TWSG1: variants seen among roughly 807,000 people sequenced by gnomAD.
The protein encoded by TWSG1 is twisted gastrulation protein homolog 1.
A neutral mutation model predicts 23.0 loss-of-function variants in TWSG1; 15 were observed. That is an observed-to-expected ratio of 0.65 (90% CI 0.44 to 1.00). The LOEUF is 1.00. Among genes scored for constraint, TWSG1 ranks in the 50% least tolerant of loss-of-function variants. TWSG1 has a pLI of 0.00. For synonymous variants in TWSG1, 86 were observed against 92.8 expected (o/e 0.93, Z 0.42); for missense variants, 242 against 278.7 (o/e 0.87, Z 0.94).
chr18:9,365,372 G>T (rs1374621684), intron 3 of TWSG1, among the ~76,000 whole-genome samples: 1 of 152,020 alleles, frequency 6.6e-6, no homozygotes, highest in Non-Finnish European at 1.5e-5. Flanking sequence ...TATGGGAAAT[G>T]TTAAATTAGA....
chr18:9,370,174 T>C (rs1469132500), intron 3 of TWSG1, among the ~76,000 whole-genome samples: 2 of 151,970 alleles, frequency 1.3e-5, no homozygotes, highest in African/African-American at 4.8e-5. Flanking sequence ...AAAAATTAGC[T>C]GGGTGTGGTG....
At chr18:9,342,736 G>A (rs1193234419) in intron 2 of TWSG1, among the ~76,000 whole-genome samples, 2 of 152,126 alleles carry the variant, frequency 1.3e-5, no homozygotes, top group African/African-American at 4.8e-5. Flanking sequence ...TCCCAAGTTG[G>A]TTCCAGTGTT....
At chr18:9,382,814 A>AC (rs1555652430) in intron 3 of TWSG1, among the ~76,000 whole-genome samples, 1 of 137,068 alleles carries the variant, frequency 7.3e-6, no homozygotes, top group Non-Finnish European at 1.5e-5. Context: ...CTCAAAAAAA[A>AC]AAAAACAAAA....
chr18:9,388,972 G>A (rs998835844), intron 3 of TWSG1, among the ~76,000 whole-genome samples: 2 of 140,272 alleles, frequency 1.4e-5, no homozygotes, highest in African/African-American at 6.6e-5. Context: ...TTGGCTTTTT[G>A]TTTGTTTGTT....
chr18:9,402,370 CT>C lies in TWSG1; in HGVS notation c.*2846del, dbSNP rs1463099959. On this transcript the variant is annotated 3_prime_UTR_variant, in exon 5 of 5. Coordinates refer to ENST00000262120, the MANE Select transcript of TWSG1 (RefSeq NM_020648.6). ...ACAACATATAAAATTGTGTATTTTT[CT>C]TTGGTTGTCCCTATTAACAAAAAAG... The C allele has an allele frequency of 6.6e-6, 1 of 151,816 alleles. No homozygotes were observed. Among genetic ancestry groups the C allele is most frequent in the African/African-American group, 2.4e-5 (1 of 41,320 alleles). 9.4% of individuals were successfully genotyped at this position (151,816 alleles called of 1,614,324 possible).
intron 3 of TWSG1, among the ~76,000 whole-genome samples, chr18:9,369,515 C>G (rs2040594864): frequency 2.0e-5 from 3 of 152,210 alleles, no homozygotes; most frequent in African/African-American, 2.4e-5. Context: ...GATACACCCA[C>G]CTCGCCTTCC....
Position 9,361,712 on chromosome 18 carries a change from G to A in TWSG1, c.223+1641G>A, listed in dbSNP as rs543688066. On this transcript the variant is annotated intron_variant, in intron 3 of 4. Transcript: ENST00000262120. Reference sequence around the variant, plus strand: ...AAACAGTAAGCATACTTTTATTTACGTTCCTTGTTTTTTTCCCATACTCAT... The same window carrying A: ...AAACAGTAAGCATACTTTTATTTACATTCCTTGTTTTTTTCCCATACTCAT... Among the ~76,000 whole-genome samples, 20 of 152,296 alleles carry A rather than the reference G, an allele frequency of 1.3e-4. No individual in the cohort carries two copies. The South Asian group carries it at 3.5e-3, about 27-fold the overall frequency.
At chr18:9,373,924 A>G (rs2040617325) in intron 3 of TWSG1, among the ~76,000 whole-genome samples, 1 of 152,238 alleles carries the variant, frequency 6.6e-6, no homozygotes, top group Non-Finnish European at 1.5e-5. Flanking sequence ...ATCCCAAAAT[A>G]TGTGAAGATT....
intron 3 of TWSG1, among the ~76,000 whole-genome samples, chr18:9,379,970 T>G (rs1039584382): frequency 6.6e-6 from 1 of 152,220 alleles, no homozygotes; most frequent in East Asian, 1.9e-4. Flanking sequence ...ACTTGATGCT[T>G]CTTTGATTAA....
intron 3 of TWSG1, among the ~76,000 whole-genome samples, chr18:9,384,018 T>C (rs1568038689): frequency 6.6e-6 from 1 of 152,200 alleles, no homozygotes; most frequent in Non-Finnish European, 1.5e-5. Context: ...CTAAAGAGAA[T>C]AGAAGACAGT....
rs372741990 is a variant in TWSG1, at chr18:9,346,153, TC to T, written c.123+8807del. Reference sequence around the variant, plus strand: ...GCCAACCTCTTCATCCCTCCCTACCTCCCCCCAGTCCCCTAGTAACCACTGA... The same window carrying T: ...GCCAACCTCTTCATCCCTCCCTACCTCCCCCAGTCCCCTAGTAACCACTGA... On this transcript the variant is annotated intron_variant, in intron 2 of 4. Coordinates refer to ENST00000262120, the MANE Select transcript of TWSG1 (RefSeq NM_020648.6). Among the ~76,000 whole-genome samples the T allele has an allele frequency of 8.2e-4, 125 of 152,052 alleles. 1 individual carries two copies. Among genetic ancestry groups the T allele is most frequent in the East Asian group, 6.6e-3 (34 of 5,184 alleles).
At chr18:9,339,525 C>A (rs2040436730) in intron 2 of TWSG1, among the ~76,000 whole-genome samples, 1 of 152,088 alleles carries the variant, frequency 6.6e-6, no homozygotes, top group Non-Finnish European at 1.5e-5. Context: ...CTCAAGCGAT[C>A]TGCCAAGGCT....
At chr18:9,386,103 A>G (rs1287264893) in intron 3 of TWSG1, among the ~76,000 whole-genome samples, 2 of 151,682 alleles carry the variant, frequency 1.3e-5, no homozygotes, top group Non-Finnish European at 2.9e-5. Context: ...CGGGAGGCGG[A>G]GGTTGCAGTG....
At chr18:9,349,458 A>G (rs2040491601) in intron 2 of TWSG1, among the ~76,000 whole-genome samples, 1 of 152,206 alleles carries the variant, frequency 6.6e-6, no homozygotes, top group Non-Finnish European at 1.5e-5. Context: ...TATGTGCTAA[A>G]TTGACAGTCT....
intron 2 of TWSG1, among the ~76,000 whole-genome samples, chr18:9,341,682 T>C (rs189417973): frequency 3.9e-5 from 6 of 152,338 alleles, no homozygotes; most frequent in Admixed American, 1.3e-4. Flanking sequence ...TTGGTTATTT[T>C]TTCAATTTCT....
At chr18:9,390,699 T>C (rs2040708380) in intron 3 of TWSG1, among the ~76,000 whole-genome samples, 1 of 152,188 alleles carries the variant, frequency 6.6e-6, no homozygotes, top group Non-Finnish European at 1.5e-5. Context: ...TTGATACTAT[T>C]TTACCCACAG....
intron 3 of TWSG1, among the ~76,000 whole-genome samples, chr18:9,371,722 A>G (rs1453222029): frequency 6.6e-6 from 1 of 151,968 alleles, no homozygotes; most frequent in Non-Finnish European, 1.5e-5. Flanking sequence ...CTTCTCCAGT[A>G]GCAATGAACA....
chr18:9,399,924 G>C lies in TWSG1; in HGVS notation c.*397G>C, dbSNP rs2040755264. 1 of 156,534 alleles carries C rather than the reference G, an allele frequency of 6.4e-6. No homozygotes were observed. The highest frequency in any genetic ancestry group is 1.4e-5 in the Non-Finnish European group (1 of 70,924). The allele number at this position is 156,534 out of a possible 1,614,324, so 9.7% of individuals were successfully genotyped here. Reference sequence around the variant, plus strand: ...AATTATGATTTCTTCATGTGCTACTGTTAGCACACTGAGTTTTTATAGTTG... The same window carrying C: ...AATTATGATTTCTTCATGTGCTACTCTTAGCACACTGAGTTTTTATAGTTG... On this transcript the variant is annotated 3_prime_UTR_variant, in exon 5 of 5. Coordinates refer to ENST00000262120, the MANE Select transcript of TWSG1 (RefSeq NM_020648.6).
chr18:9,394,388 G>A (rs2040725471), intron 3 of TWSG1, among the ~76,000 whole-genome samples: 1 of 152,166 alleles, frequency 6.6e-6, no homozygotes, highest in African/African-American at 2.4e-5. Context: ...AAAGTAGAAC[G>A]GAGGATGGTA....
Sources: allele counts gnomAD v4.1 joint callset (sites outside exome capture counted in the v4.1 genomes callset), GRCh38; gene constraint gnomAD v4.1.1; transcripts MANE v1.5; gene names NCBI Gene and HGNC (gene_info 2026-07-23, HGNC 2026-07-21).